IRS2: variants seen among roughly 807,000 people sequenced by gnomAD.
The protein encoded by IRS2 is insulin receptor substrate 2.
In IRS2, 28 loss-of-function variants were observed where a neutral mutation model predicts 70.9. That is an observed-to-expected ratio of 0.39 (90% CI 0.29 to 0.54). The LOEUF is 0.54. Among genes scored for constraint, IRS2 ranks in the 20% least tolerant of loss-of-function variants. The probability of loss-of-function intolerance (pLI) is 0.59; values close to 1 mark genes in which losing one functional copy is unlikely to be tolerated. For missense variants in IRS2, 2,081 were observed against 2,024.1 expected, an observed-to-expected ratio of 1.03 and a Z score of -0.54; for synonymous variants, 1,217 against 981.9, an observed-to-expected ratio of 1.24 and a Z score of -4.48.
chr13:109,783,017 G>T lies in IRS2; in HGVS notation c.3037C>A (p.Pro1013Thr), dbSNP rs181689224. The change falls in exon 1 of 2, where the codon CCG (proline) becomes ACG (threonine). Residue 1013 changes from proline (P) to threonine (T), a missense_variant. Physicochemically the swap from Pro to Thr is conservative, Grantham distance 38. Around this residue, in one of 4 missense-constraint regions of IRS2, gnomAD observed 1,615 missense variants for 1,459.5 expected, o/e 1.11. Transcript: ENST00000375856. ...GGACGCGGGGGCAACGGCGGATACG[G>T]GGAGGAGGCCTCGGGGGACAGGAGG... ...DGLLSPEASS[P>T]YPPLPPRPSA... The T allele has an allele frequency of 3.7e-6, 5 of 1,364,246 alleles. No homozygotes were observed. The highest frequency in any genetic ancestry group is 3.8e-5 in the Admixed American group (1 of 26,034). 84.5% of individuals were successfully genotyped at this position (1,364,246 alleles called of 1,614,324 possible).
chr13:109,783,249 C>T lies in IRS2; in HGVS notation c.2805G>A (p.Ala935=), dbSNP rs1233896823. Reference sequence around the variant, plus strand: ...AGGCCGCCGACGCCAGCAGGGGAGGCGCGGGCGGCGACAGGCGGGCCCCGG... The same window carrying T: ...AGGCCGCCGACGCCAGCAGGGGAGGTGCGGGCGGCGACAGGCGGGCCCCGG... ...GEPGARLSPP[A]PPLLASAASS... The change falls in exon 1 of 2, where the codon GCG becomes GCA. Residue 935 remains alanine (A), a synonymous_variant. Coordinates refer to ENST00000375856, the MANE Select transcript of IRS2 (RefSeq NM_003749.3). The T allele has an allele frequency of 1.4e-6, 2 of 1,472,766 alleles. No homozygotes were observed. Among genetic ancestry groups the T allele is most frequent in the East Asian group, 2.8e-5 (1 of 36,014 alleles). The allele number at this position is 1,472,766 out of a possible 1,614,324, so 91.2% of individuals were successfully genotyped here. A position where few individuals can be genotyped will look rare whatever the true frequency, so the allele number is the denominator to read the frequency against.
Position 109,755,879 on chromosome 13 carries a change from G to A in IRS2, c.*425C>T. 3.8e-6 allele frequency: 1 copy of A among 264,972 alleles called. No homozygotes were observed. The highest frequency in any genetic ancestry group is 7.4e-6 in the Non-Finnish European group (1 of 135,626). The allele number at this position is 264,972 out of a possible 1,614,324, so 16.4% of individuals were successfully genotyped here. On this transcript the variant is annotated 3_prime_UTR_variant, in exon 2 of 2. Transcript: ENST00000375856. ...CTGTGGTCGTTTTGAGTGTAAGCCA[G>A]TAAATACCAGATTTTACCACTTCCA... is the stretch of plus-strand genomic sequence containing the variant.
Position 109,784,062 on chromosome 13 carries a change from G to T in IRS2, c.1992C>A (p.Gly664=). Residue 664 remains glycine (G), a synonymous_variant, in exon 1 of 2, where the codon GGC becomes GGA. Coordinates refer to ENST00000375856, the MANE Select transcript of IRS2 (RefSeq NM_003749.3). The surrounding 1 kb of genome is among the most constrained non-coding windows in gnomAD (Gnocchi z 5.2). Reference sequence around the variant, plus strand: ...CGCTCCTGCAGCTGCCGCTCCCACTGCCCGCGAGGGCCGCGCCGGGCGTCA... The same window carrying T: ...CGCTCCTGCAGCTGCCGCTCCCACTTCCCGCGAGGGCCGCGCCGGGCGTCA... The part of the protein sequence containing the change: ...MPMTPGAALA[G]SGSGSCRSDD... The T allele has an allele frequency of 1.3e-6, 2 of 1,558,588 alleles. No homozygotes were observed. Among genetic ancestry groups the T allele is most frequent in the Non-Finnish European group, 1.7e-6 (2 of 1,158,382 alleles).
chr13:109,755,411 C>T lies in IRS2; in HGVS notation c.*893G>A, dbSNP rs755485967. On this transcript the variant is annotated 3_prime_UTR_variant, in exon 2 of 2. Coordinates refer to ENST00000375856, the MANE Select transcript of IRS2 (RefSeq NM_003749.3). The stretch of plus-strand genomic sequence containing the variant: ...ATTCAGGAGAGCAGAGACATCTGAG[C>T]TTGTAAATAGAATAAAAGGCGTTTG... 2.2e-5 allele frequency: 5 copies of T among 225,076 alleles called. No homozygotes were observed. Among genetic ancestry groups the T allele is most frequent in the Non-Finnish European group, 3.5e-5 (4 of 113,088 alleles). 13.9% of individuals were successfully genotyped at this position (225,076 alleles called of 1,614,324 possible).
In IRS2 at chr13:109,756,458, G is replaced by A; in HGVS notation, c.4013-150C>T. The A allele has an allele frequency of 4.2e-6, 3 of 711,412 alleles. No individual in the cohort carries two copies. The South Asian group carries it at 4.8e-5, about 11-fold the overall frequency. 44.1% of individuals were successfully genotyped at this position (711,412 alleles called of 1,614,324 possible). On this transcript the variant is annotated intron_variant, in intron 1 of 1. Transcript: ENST00000375856. Reference sequence around the variant, plus strand: ...TGAGAAAGAAACATGTATTCATTCTGTTTTCCAGAGGTGAGTTCAGTGGGA... The same window carrying A: ...TGAGAAAGAAACATGTATTCATTCTATTTTCCAGAGGTGAGTTCAGTGGGA...
Position 109,782,460 on chromosome 13 carries a change from G to A in IRS2, c.3594C>T (p.Asp1198=), listed in dbSNP as rs766192228. 1 of 1,568,150 alleles carries A rather than the reference G, an allele frequency of 6.4e-7. No homozygotes were observed. Among genetic ancestry groups the A allele is most frequent in the Non-Finnish European group, 8.6e-7 (1 of 1,156,982 alleles). The change falls in exon 1 of 2, where the codon GAC becomes GAT. Residue 1198 remains aspartate, a synonymous_variant. Coordinates refer to ENST00000375856, the MANE Select transcript of IRS2 (RefSeq NM_003749.3). ...ACTGTCGTGGGGAGGTGGGCGGCTC[G>A]TCGCCCCCTCCAGGGCCGACACCCA... is the stretch of plus-strand genomic sequence containing the variant. ...GGVGVGPGGG[D]EPPTSPRQLQ... is the part of the protein sequence containing the mutation.
chr13:109,780,793 C>T (rs1877678368), intron 1 of IRS2, among the ~76,000 whole-genome samples: 1 of 146,376 alleles, frequency 6.8e-6, no homozygotes, highest in Admixed American at 6.8e-5. Context: ...CTCTATCCTG[C>T]TAGGAACCCT....
At chr13:109,775,984 C>T (rs1242347976) in intron 1 of IRS2, among the ~76,000 whole-genome samples, 1 of 151,966 alleles carries the variant, frequency 6.6e-6, no homozygotes, top group South Asian at 2.1e-4. Context: ...CCCATCTCTA[C>T]TAAAAATACA....
Position 109,783,323 on chromosome 13 carries a change from G to A in IRS2, c.2731C>T (p.Pro911Ser). Residue 911 changes from proline to serine, a missense_variant, in exon 1 of 2, where the codon CCG (proline) becomes TCG (serine). Coordinates refer to ENST00000375856, the MANE Select transcript of IRS2 (RefSeq NM_003749.3). The stretch of plus-strand genomic sequence containing the variant: ...TACTCGCCGGGGCTCTTGGGCTCCG[G>A]TGGCAGTGGGTACTCGTGCATGCTG... Reference protein sequence around the residue: ...LPSMHEYPLPPEPKSPGEYIN... With the variant: ...LPSMHEYPLPSEPKSPGEYIN... The A allele has an allele frequency of 6.4e-7, 1 of 1,556,238 alleles. No individual in the cohort carries two copies. The highest frequency in any genetic ancestry group is 1.2e-5 in the South Asian group (1 of 85,994).
At chr13:109,764,271 A>G (rs1877288296) in intron 1 of IRS2, among the ~76,000 whole-genome samples, 1 of 152,144 alleles carries the variant, frequency 6.6e-6, no homozygotes, top group East Asian at 1.9e-4. Context: ...ACAGGTGTGA[A>G]AGGCGCTGTC....
At chr13:109,758,736 G>A (rs1171411930) in intron 1 of IRS2, among the ~76,000 whole-genome samples, 1 of 151,192 alleles carries the variant, frequency 6.6e-6, no homozygotes, top group African/African-American at 2.4e-5. Context: ...ATTCATCCAT[G>A]CATTTATTCA....
chr13:109,762,077 C>G (rs1877238993), intron 1 of IRS2, among the ~76,000 whole-genome samples: 1 of 152,216 alleles, frequency 6.6e-6, no homozygotes, highest in African/African-American at 2.4e-5. Flanking sequence ...ATTCAACTTT[C>G]CTATACAGGA....
Position 109,782,023 on chromosome 13 carries a change from A to C in IRS2, c.4012+19T>G. The C allele has an allele frequency of 1.2e-6, 2 of 1,611,470 alleles. No homozygotes were observed. The highest frequency in any genetic ancestry group is 2.2e-5 in the South Asian group (2 of 90,828). On this transcript the variant is annotated intron_variant, in intron 1 of 1. Transcript: ENST00000375856. ...CGCCCCTCCTTCCCGCCAGACGCCA[A>C]GGCAAAGGGCCTCCTCACCTTTCAC...
intron 1 of IRS2, among the ~76,000 whole-genome samples, chr13:109,757,518 C>A (rs1877132517): frequency 6.6e-6 from 1 of 152,088 alleles, no homozygotes; most frequent in Non-Finnish European, 1.5e-5. Flanking sequence ...GAGAGTGAGT[C>A]CCTCAAAACC....
rs776117885 is a variant in IRS2, at chr13:109,784,058, C to T, written c.1996G>A (p.Gly666Arg). ...MTPGAALAGS[G>R]SGSCRSDDYM... ...TCGTCGCTCCTGCAGCTGCCGCTCC[C>T]ACTGCCCGCGAGGGCCGCGCCGGGC... The change falls in exon 1 of 2, where the codon GGG becomes AGG. Residue 666 changes from glycine (G) to arginine (R), a missense_variant. Transcript: ENST00000375856. This position sits in a 1 kb window ranked among gnomAD's most constrained non-coding sequence, Gnocchi z 5.2. 6 of 1,555,892 alleles carry T rather than the reference C, an allele frequency of 3.9e-6. No homozygotes were observed. The highest frequency in any genetic ancestry group is 1.7e-4 in the Middle Eastern group (1 of 6,016).
rs1199728187 is a variant in IRS2, at chr13:109,782,397, C to T, written c.3657G>A (p.Pro1219=). ...PAPPLAPQGR[P]WTPGQPGGLV... ...AGCCCCCGGGCTGACCCGGGGTCCA[C>T]GGCCGGCCCTGCGGTGCCAAAGGGG... Residue 1219 remains proline, a synonymous_variant, in exon 1 of 2, where the codon CCG becomes CCA. Transcript: ENST00000375856. 18 of 1,608,138 alleles carry T rather than the reference C, an allele frequency of 1.1e-5. No individual in the cohort carries two copies. Among genetic ancestry groups the T allele is most frequent in the Admixed American group, 3.3e-5 (2 of 59,764 alleles).
intron 1 of IRS2, among the ~76,000 whole-genome samples, chr13:109,773,869 A>C (rs1877512649): frequency 1.3e-5 from 2 of 152,226 alleles, no homozygotes; most frequent in Admixed American, 6.5e-5. Flanking sequence ...GGAGAAAGTT[A>C]TTCATCAAGA....
intron 1 of IRS2, among the ~76,000 whole-genome samples, chr13:109,775,724 T>C (rs551841332): frequency 3.5e-4 from 52 of 148,626 alleles, no homozygotes; most frequent in Non-Finnish European, 5.8e-4. Context: ...TCCAGCCTCC[T>C]GGAGCATGAC....
intron 1 of IRS2, among the ~76,000 whole-genome samples, chr13:109,774,497 A>G (rs1045551572): frequency 3.9e-5 from 6 of 152,198 alleles, no homozygotes; most frequent in Non-Finnish European, 8.8e-5. Context: ...ATGATTAACT[A>G]TCACTCCAGC....
Sources: gnomAD v4.1 joint callset for allele counts (sites outside exome capture counted in the v4.1 genomes callset) on GRCh38, gnomAD v4.1.1 for gene constraint, gnomAD v4.1.1 regional missense constraint, Gnocchi (gnomAD v3.1) non-coding constraint, MANE v1.5 for transcripts, NCBI Gene and HGNC (gene_info 2026-07-23, HGNC 2026-07-21) for gene names.